The following KALRN variants were observed in gnomAD, a reference collection of about 807,000 sequenced individuals.
KALRN encodes the protein kalirin RhoGEF kinase, also known as kalirin.
Under a neutral mutation model 353.7 loss-of-function variants are expected in KALRN, and 70 were observed. The ratio of observed to expected loss-of-function variants is 0.20; its 90% CI spans 0.16 to 0.24. KALRN has a LOEUF of 0.24. KALRN is among the 10% of genes least tolerant of loss of function. KALRN has a pLI of 1.00. For missense variants in KALRN, 2,791 were observed against 3,756.7 expected (o/e 0.74, Z 6.72); for synonymous variants, 1,391 against 1,434.8 (o/e 0.97, Z 0.69).
rs574089869 is a variant in KALRN, at chr3:124,134,408, A to T, written c.74-93582A>T. Among the ~76,000 whole-genome samples the T allele has an allele frequency of 3.3e-5, 5 of 152,232 alleles. 1 individual carries two copies. The highest frequency in any genetic ancestry group is 7.3e-5 in the Non-Finnish European group (5 of 68,046). On this transcript the variant is annotated intron_variant, in intron 1 of 59. Coordinates refer to ENST00000682506, the MANE Select transcript of KALRN (RefSeq NM_001388419.1). The stretch of plus-strand genomic sequence containing the variant: ...AGGTGGATTAAAGACTTAAGACCTG[A>T]AACTATAAAAATTCTAGAAGACAGC...
chr3:124,158,752 G>A (rs974504199), intron 1 of KALRN, among the ~76,000 whole-genome samples: 13 of 152,164 alleles, frequency 8.5e-5, no homozygotes, highest in African/African-American at 2.4e-4. Flanking sequence ...TTACGGCAAT[G>A]GATGGGGATT....
At chr3:124,452,816 C>T (rs1261401701) in intron 21 of KALRN, among the ~76,000 whole-genome samples, 2 of 152,178 alleles carry the variant, frequency 1.3e-5, no homozygotes, top group African/African-American at 2.4e-5. Flanking sequence ...TTGCTGACTC[C>T]GAATCACAAT....
intron 48 of KALRN, among the ~76,000 whole-genome samples, chr3:124,672,388 A>G (rs1448363091): frequency 6.6e-6 from 1 of 152,236 alleles, no homozygotes; most frequent in East Asian, 1.9e-4. Flanking sequence ...CATCATAAAA[A>G]TGGATGATTT....
At chr3:124,543,115 G>A (rs925562271) in intron 33 of KALRN, among the ~76,000 whole-genome samples, 2 of 152,154 alleles carry the variant, frequency 1.3e-5, no homozygotes, top group African/African-American at 4.8e-5. Flanking sequence ...CGGAGTGAGT[G>A]ATTTAGTAGA....
intron 51 of KALRN, among the ~76,000 whole-genome samples, chr3:124,681,629 C>CTTTTTTTTTTTTTTTTTTTTTTTTT: frequency 9.6e-6 from 1 of 103,722 alleles, no homozygotes; most frequent in Non-Finnish European, 1.8e-5. Context: ...CAGTGATTGT[C>CTTTTTTTTTTTTTTTTTTTTTTTTT]TTTTTTTTTT....
At chr3:124,519,796 C>A (rs970240896) in intron 33 of KALRN, 1 of 985,380 alleles carries the variant, frequency 1.0e-6, no homozygotes, top group Admixed American at 6.1e-5. Context: ...TTGCTGCTGT[C>A]TTTTTTCCGT....
chr3:124,646,018 G>C (rs1398334222), intron 37 of KALRN, among the ~76,000 whole-genome samples: 1 of 151,898 alleles, frequency 6.6e-6, no homozygotes, highest in Admixed American at 6.6e-5. Flanking sequence ...CCCTGTCTGG[G>C]AATCGGACCC....
chr3:124,646,582 G>T (rs2082771190), intron 37 of KALRN, among the ~76,000 whole-genome samples: 2 of 151,340 alleles, frequency 1.3e-5, no homozygotes, highest in African/African-American at 4.9e-5. Flanking sequence ...GTAGAGATGG[G>T]GTTTCACCAT....
chr3:124,096,377 C>A (rs2061450888), intron 1 of KALRN, among the ~76,000 whole-genome samples: 1 of 152,194 alleles, frequency 6.6e-6, no homozygotes, highest in African/African-American at 2.4e-5. Context: ...AGTTAATTCT[C>A]ACTCTCCAAC....
chr3:124,606,478 T>C (rs2077360516), intron 34 of KALRN, among the ~76,000 whole-genome samples: 1 of 152,214 alleles, frequency 6.6e-6, no homozygotes, highest in African/African-American at 2.4e-5. Context: ...TTTCTTATAG[T>C]CCTGTCTCCT....
At chr3:124,133,074 G>A (rs1311760155) in intron 1 of KALRN, 1 of 152,994 alleles carries the variant, frequency 6.5e-6, no homozygotes, top group Non-Finnish European at 1.5e-5. Flanking sequence ...TGCTGCCTGT[G>A]TTCCAACTGT....
At chr3:124,102,011 G>A (rs527349934) in intron 1 of KALRN, among the ~76,000 whole-genome samples, 3 of 152,224 alleles carry the variant, frequency 2.0e-5, no homozygotes, top group East Asian at 3.9e-4. Context: ...AGAAAAGCAC[G>A]CAGCATGTGT....
chr3:124,135,363 T>C (rs978727894), intron 1 of KALRN, among the ~76,000 whole-genome samples: 2 of 151,980 alleles, frequency 1.3e-5, no homozygotes, highest in Non-Finnish European at 2.9e-5. Context: ...CAGTGGACTT[T>C]GGAGGCTTGT....
At chr3:124,289,691 A>G (rs2076258077) in intron 5 of KALRN, among the ~76,000 whole-genome samples, 1 of 152,206 alleles carries the variant, frequency 6.6e-6, no homozygotes, top group African/African-American at 2.4e-5. Flanking sequence ...TGGACACTAG[A>G]GTCCAATTTA....
intron 1 of KALRN, among the ~76,000 whole-genome samples, chr3:124,109,940 T>G (rs1407103103): frequency 1.5e-5 from 1 of 66,416 alleles, no homozygotes; most frequent in Non-Finnish European, 2.8e-5. Context: ...TATGTCATAC[T>G]TTGATATATA....
chr3:124,188,549 G>A (rs2074507492), intron 1 of KALRN, among the ~76,000 whole-genome samples: 1 of 152,186 alleles, frequency 6.6e-6, no homozygotes, highest in Non-Finnish European at 1.5e-5. Context: ...CTCTTGTAAT[G>A]TGCCAGCACA....
At chr3:124,389,888 G>A (rs913442122) in intron 11 of KALRN, among the ~76,000 whole-genome samples, 3 of 151,822 alleles carry the variant, frequency 2.0e-5, no homozygotes, top group Admixed American at 2.0e-4. Flanking sequence ...TTCATAATCA[G>A]GAACAATCCA....
chr3:124,251,432 G>A (rs937904181), intron 3 of KALRN, among the ~76,000 whole-genome samples: 1 of 148,888 alleles, frequency 6.7e-6, no homozygotes, highest in Non-Finnish European at 1.5e-5. Flanking sequence ...GTGCAGTAGT[G>A]CAATTTGGCT....
intron 33 of KALRN, chr3:124,518,807 C>T (rs1199233473): frequency 5.8e-6 from 7 of 1,214,832 alleles, no homozygotes; most frequent in Non-Finnish European, 5.2e-6. Flanking sequence ...CAGGCTCCTG[C>T]TGCCCTAGAG....
Sources: gnomAD v4.1 joint callset for allele counts (sites outside exome capture counted in the v4.1 genomes callset) on GRCh38, gnomAD v4.1.1 for gene constraint, MANE v1.5 for transcripts, NCBI Gene and HGNC (gene_info 2026-07-23, HGNC 2026-07-21) for gene names.